LHX8: variants seen among roughly 807,000 people sequenced by gnomAD.
LHX8 encodes the protein LIM/homeobox protein Lhx8.
In LHX8, 12 loss-of-function variants were observed where a neutral mutation model predicts 40.3. That is an observed-to-expected ratio of 0.30 (90% CI 0.19 to 0.48). LHX8 has a LOEUF of 0.48. Among genes scored for constraint, LHX8 ranks in the 20% least tolerant of loss-of-function variants. The pLI is 0.99. For missense variants in LHX8, 344 were observed against 433.7 expected, an observed-to-expected ratio of 0.79 and a Z score of 1.84; for synonymous variants, 179 against 162.0, an observed-to-expected ratio of 1.10 and a Z score of -0.80.
chr1:75,191,902 G>C, the LHX8 span, among the ~76,000 whole-genome samples: 1 of 152,142 alleles, frequency 6.6e-6, no homozygotes, highest in Non-Finnish European at 1.5e-5. Flanking sequence ...TCAACAGTCT[G>C]TGCACAGTTA....
the LHX8 span, among the ~76,000 whole-genome samples, chr1:75,189,193 G>C: frequency 6.6e-6 from 1 of 152,186 alleles, no homozygotes; most frequent in Non-Finnish European, 1.5e-5. Context: ...CCATCTGACA[G>C]ACAAACAGCA....
At chr1:75,175,291 G>A in the LHX8 span, among the ~76,000 whole-genome samples, 3 of 152,138 alleles carry the variant, frequency 2.0e-5, no homozygotes, top group Admixed American at 6.6e-5. Context: ...TCTTTTTCAT[G>A]TAATGAATTC....
intron 6 of LHX8, among the ~76,000 whole-genome samples, chr1:75,148,047 C>T (rs1395697589): frequency 6.6e-6 from 1 of 152,104 alleles, no homozygotes; most frequent in Non-Finnish European, 1.5e-5. Context: ...ATTCAGTGGA[C>T]TGGTGAGTGT....
At chr1:75,166,523 G>A (rs1649039761), downstream of LHX8, among the ~76,000 whole-genome samples, 2 of 152,144 alleles carry the variant, frequency 1.3e-5, no homozygotes, top group South Asian at 4.1e-4. Flanking sequence ...GATGTCTCTA[G>A]AGAACCACTA....
downstream of LHX8, among the ~76,000 whole-genome samples, chr1:75,165,574 G>T (rs1369963445): frequency 1.3e-5 from 2 of 152,064 alleles, no homozygotes; most frequent in Non-Finnish European, 2.9e-5. Context: ...TTGTATGGGG[G>T]TATCAATGGA....
At chr1:75,179,353 C>A in the LHX8 span, among the ~76,000 whole-genome samples, 6 of 152,076 alleles carry the variant, frequency 3.9e-5, no homozygotes, top group African/African-American at 1.4e-4. Context: ...AATCTGGGTG[C>A]TCTTGTATTG....
the LHX8 span, among the ~76,000 whole-genome samples, chr1:75,174,499 G>A: frequency 1.3e-5 from 2 of 152,016 alleles, no homozygotes; most frequent in Non-Finnish European, 2.9e-5. Flanking sequence ...GACTACATGT[G>A]AGTGTGTGTG....
intron 8 of LHX8, among the ~76,000 whole-genome samples, chr1:75,158,810 A>G (rs1414693377): frequency 6.6e-6 from 1 of 152,078 alleles, no homozygotes; most frequent in Non-Finnish European, 1.5e-5. Flanking sequence ...TCAAGTTTGT[A>G]TTGCCCATTC....
chr1:75,130,427 C>T (rs956165497), upstream of LHX8: 6 of 547,650 alleles, frequency 1.1e-5, no homozygotes, highest in South Asian at 1.1e-4. Context: ...TGCCGCGGGG[C>T]GGGTGGCGAA....
the LHX8 span, among the ~76,000 whole-genome samples, chr1:75,198,389 C>T: frequency 1.3e-5 from 2 of 152,146 alleles, no homozygotes; most frequent in African/African-American, 2.4e-5. Flanking sequence ...GAGAATATCA[C>T]TGTTAATGAC....
At chr1:75,186,999 T>G in the LHX8 span, among the ~76,000 whole-genome samples, 3 of 152,180 alleles carry the variant, frequency 2.0e-5, no homozygotes, top group African/African-American at 7.2e-5. Context: ...TAGACTGGTA[T>G]CTTGCTCAGA....
chr1:75,149,740 T>C (rs1648557552), intron 7 of LHX8, among the ~76,000 whole-genome samples: 1 of 151,920 alleles, frequency 6.6e-6, no homozygotes, highest in Admixed American at 6.6e-5. Context: ...AGAAACAGAG[T>C]CTCACCGTGT....
chr1:75,179,552 TC>T, the LHX8 span, among the ~76,000 whole-genome samples: 3 of 138,872 alleles, frequency 2.2e-5, no homozygotes, highest in Non-Finnish European at 3.1e-5. Flanking sequence ...TAGATCTTCC[TC>T]CATCCCTTTA....
intron 7 of LHX8, among the ~76,000 whole-genome samples, chr1:75,149,145 CTT>C (rs1046745780): frequency 6.6e-6 from 1 of 152,260 alleles, no homozygotes; most frequent in East Asian, 1.9e-4. Flanking sequence ...GTTTTTCCTA[CTT>C]TTTTTATGAT....
chr1:75,172,127 AT>A, the LHX8 span, among the ~76,000 whole-genome samples: 1 of 152,154 alleles, frequency 6.6e-6, no homozygotes, highest in Non-Finnish European at 1.5e-5. Flanking sequence ...CTTCAATTCC[AT>A]TTTAATATTC....
chr1:75,130,805 C>CA, upstream of LHX8: 1 of 1,437,800 alleles, frequency 7.0e-7, no homozygotes, highest in African/African-American at 1.4e-5. Flanking sequence ...ATAATGGTTA[C>CA]ACGTGATGGG....
At chr1:75,195,284 C>T in the LHX8 span, among the ~76,000 whole-genome samples, 2 of 151,984 alleles carry the variant, frequency 1.3e-5, no homozygotes, top group African/African-American at 4.8e-5. Context: ...GTAACTTTCC[C>T]GAGAGTAGGT....
chr1:75,148,457 C>A, intron 6 of LHX8, 130 bp from the exon 7 acceptor site: 1 of 712,482 alleles, frequency 1.4e-6, no homozygotes, highest in Non-Finnish European at 2.6e-6. Context: ...CATATTTCCC[C>A]ATACCGATTT....
At chr1:75,129,529 C>G (rs916388670), upstream of LHX8, among the ~76,000 whole-genome samples, 3 of 151,932 alleles carry the variant, frequency 2.0e-5, no homozygotes, top group Non-Finnish European at 2.9e-5. Flanking sequence ...TGTGGGCGGT[C>G]GGCGCAGGCT....
Sources: allele counts gnomAD v4.1 joint callset (sites outside exome capture counted in the v4.1 genomes callset), GRCh38; gene constraint gnomAD v4.1.1; transcripts MANE v1.5; gene names NCBI Gene and HGNC (gene_info 2026-07-23, HGNC 2026-07-21).